Variants in SCN2A observed in about 807,000 individuals in gnomAD.
SCN2A encodes the protein sodium voltage-gated channel alpha subunit 2, also known as sodium channel protein type 2 subunit alpha.
SCN2A carries 20 observed loss-of-function variants against 188.7 expected under a neutral mutation model. That is an observed-to-expected ratio of 0.11 (90% CI 0.07 to 0.15). The LOEUF is 0.15. Among genes scored for constraint, SCN2A ranks in the 10% least tolerant of loss-of-function variants. The pLI is 1.00. For missense variants in SCN2A, 1,278 were observed against 2,445.0 expected, an observed-to-expected ratio of 0.52 and a Z score of 10.07; for synonymous variants, 804 against 833.1, an observed-to-expected ratio of 0.97 and a Z score of 0.60.
chr2:165,251,191 A>C (rs1236853353), intron 1 of SCN2A, among the ~76,000 whole-genome samples: 1 of 152,022 alleles, frequency 6.6e-6, no homozygotes, highest in African/African-American at 2.4e-5. Context: ...AATCTAGCCA[A>C]ACCAAACCAA....
intron 25 of SCN2A, among the ~76,000 whole-genome samples, chr2:165,383,795 A>C (rs1271929431): frequency 2.6e-5 from 4 of 152,160 alleles, no homozygotes; most frequent in Non-Finnish European, 1.5e-5. Flanking sequence ...TCTGCTTTGC[A>C]CAACTGGATA....
At chr2:165,281,435 A>G (rs1460595388) in intron 1 of SCN2A, among the ~76,000 whole-genome samples, 2 of 151,906 alleles carry the variant, frequency 1.3e-5, no homozygotes. Flanking sequence ...TCTGGGAGGA[A>G]AGCATTTCAA....
chr2:165,327,954 C>T (rs561430984), intron 13 of SCN2A: 1 of 152,264 alleles, frequency 6.6e-6, no homozygotes, highest in African/African-American at 2.4e-5. Context: ...CAAACCTTCT[C>T]CCTTGTACCC....
intron 1 of SCN2A, among the ~76,000 whole-genome samples, chr2:165,263,886 A>ATT (rs35091347): frequency 0.025 from 3,590 of 146,142 alleles, 102 homozygotes; most frequent in African/African-American, 0.066. Context: ...TAAGTATTCT[A>ATT]TTTTTTTTTT....
At chr2:165,300,892 A>G (rs904991371) in intron 3 of SCN2A, among the ~76,000 whole-genome samples, 2 of 152,216 alleles carry the variant, frequency 1.3e-5, no homozygotes, top group Admixed American at 6.5e-5. Context: ...AATAGACTGC[A>G]TAAGGGGAAA....
chr2:165,322,751 C>G (rs1698139962), intron 11 of SCN2A, among the ~76,000 whole-genome samples: 1 of 152,142 alleles, frequency 6.6e-6, no homozygotes, highest in African/African-American at 2.4e-5. Flanking sequence ...CTCAGAGGAT[C>G]TAAAGGTAGA....
Position 165,354,476 on chromosome 2 carries a change from C to A in SCN2A, c.3204C>A (p.Leu1068=), listed in dbSNP as rs562383599. ...TIEIGKDLNY[L]KDGNGTTSGI... is the part of the protein sequence containing the mutation. Reference sequence around the variant, plus strand: ...AAATAGGCAAAGACCTCAATTATCTCAAAGACGGAAATGGAACTACTAGTG... The same window carrying A: ...AAATAGGCAAAGACCTCAATTATCTAAAAGACGGAAATGGAACTACTAGTG... Residue 1068 remains leucine, a synonymous_variant, in exon 17 of 27, where the codon CTC becomes CTA. Coordinates refer to ENST00000375437, the MANE Select transcript of SCN2A (RefSeq NM_001040142.2). 1 of 1,614,040 alleles carries A rather than the reference C, an allele frequency of 6.2e-7. No homozygotes were observed. Among genetic ancestry groups the A allele is most frequent in the Admixed American group, 1.7e-5 (1 of 60,024 alleles).
chr2:165,268,608 C>A, intron 1 of SCN2A: 2 of 152,462 alleles, frequency 1.3e-5, no homozygotes, highest in South Asian at 3.8e-4. Context: ...TGAAAGCATT[C>A]CCCCTGAGAA....
intron 1 of SCN2A, among the ~76,000 whole-genome samples, chr2:165,288,503 A>G (rs1413753421): frequency 6.6e-6 from 1 of 151,852 alleles, no homozygotes; most frequent in Admixed American, 6.6e-5. Flanking sequence ...AACTATAAAA[A>G]ATAAGTTAGT....
At position 165,326,873 on chromosome 2, in the gene SCN2A, A is replaced by G. The variant is rs1698384983; in HGVS notation, c.2038A>G (p.Ile680Val). The G allele has an allele frequency of 1.2e-6, 2 of 1,613,904 alleles. No homozygotes were observed. The highest frequency in any genetic ancestry group is 2.2e-5 in the East Asian group (1 of 44,872). Residue 680 changes from isoleucine to valine, a missense_variant, in exon 13 of 27, where the codon ATA (isoleucine) becomes GTA (valine). Physicochemically the swap from Ile to Val is conservative, Grantham distance 29. Transcript: ENST00000375437. ...CTAGGGCACAACTACTGAAACAGAAATAAGAAAGAGACGGTCCAGTTCTTA... is the reference window on the plus strand; with the variant it reads ...CTAGGGCACAACTACTGAAACAGAAGTAAGAAAGAGACGGTCCAGTTCTTA... ...LPEGTTTETE[I>V]RKRRSSSYHV...
chr2:165,388,587 T>C (rs1395900321), intron 26 of SCN2A, 42 bp from the exon 27 acceptor site: 3 of 1,612,502 alleles, frequency 1.9e-6, no homozygotes, highest in Non-Finnish European at 2.5e-6. Flanking sequence ...TTTGCTACTA[T>C]TAAGTATAAC....
intron 12 of SCN2A, among the ~76,000 whole-genome samples, chr2:165,325,455 A>G (rs1008173109): frequency 1.3e-5 from 2 of 152,208 alleles, no homozygotes; most frequent in African/African-American, 4.8e-5. Flanking sequence ...GAAAATAAAT[A>G]GCTATGGGCA....
At chr2:165,354,702 G>T (rs775316100) in intron 17 of SCN2A, 31 bp downstream of exon 17, 1 of 1,606,502 alleles carries the variant, frequency 6.2e-7, no homozygotes, top group Non-Finnish European at 8.5e-7. Context: ...AGATATTTTG[G>T]TGTTATATAA....
In SCN2A at chr2:165,342,355, T is replaced by C. The variant is rs757124644; in HGVS notation, c.2448T>C (p.Tyr816=). ...MFLKIIAMDP[Y]YYFQEGWNIF... Reference sequence around the variant, plus strand: ...TCAAGATAATTGCCATGGATCCATATTATTACTTTCAAGAAGGCTGGAATA... The same window carrying C: ...TCAAGATAATTGCCATGGATCCATACTATTACTTTCAAGAAGGCTGGAATA... The change falls in exon 15 of 27, where the codon TAT becomes TAC. Residue 816 remains tyrosine, a synonymous_variant. Coordinates refer to ENST00000375437, the MANE Select transcript of SCN2A (RefSeq NM_001040142.2). 6.2e-7 allele frequency: 1 copy of C among 1,613,998 alleles called. No homozygotes were observed. The highest frequency in any genetic ancestry group is 1.7e-5 in the Admixed American group (1 of 60,016).
At chr2:165,257,530 G>T (rs1694380671) in intron 1 of SCN2A, among the ~76,000 whole-genome samples, 1 of 151,910 alleles carries the variant, frequency 6.6e-6, no homozygotes, top group Non-Finnish European at 1.5e-5. Flanking sequence ...TGTTTTTGTT[G>T]TTGTTGTTCT....
intron 3 of SCN2A, among the ~76,000 whole-genome samples, chr2:165,306,854 C>A (rs1403375743): frequency 6.6e-6 from 1 of 151,920 alleles, no homozygotes; most frequent in African/African-American, 2.4e-5. Flanking sequence ...CACGTATTTC[C>A]TCTCTGGAAT....
chr2:165,358,605 A>G (rs1233925167), intron 17 of SCN2A, among the ~76,000 whole-genome samples: 1 of 152,106 alleles, frequency 6.6e-6, no homozygotes, highest in Non-Finnish European at 1.5e-5. Flanking sequence ...TAATAATAAT[A>G]GTGATAATGA....
intron 12 of SCN2A, 121 bp downstream of exon 12, chr2:165,323,621 T>A: frequency 1.1e-6 from 1 of 926,338 alleles, no homozygotes; most frequent in Non-Finnish European, 1.7e-6. Flanking sequence ...TGGGAGTTTG[T>A]TCAATCAAGC....
intron 11 of SCN2A, among the ~76,000 whole-genome samples, chr2:165,321,362 T>C (rs1698067503): frequency 6.6e-6 from 1 of 152,200 alleles, no homozygotes; most frequent in African/African-American, 2.4e-5. Flanking sequence ...TTCCGAGCCC[T>C]CCAAACTGTT....
Sources: gnomAD v4.1 joint callset for allele counts (sites outside exome capture counted in the v4.1 genomes callset) on GRCh38, gnomAD v4.1.1 for gene constraint, MANE v1.5 for transcripts, NCBI Gene and HGNC (gene_info 2026-07-23, HGNC 2026-07-21) for gene names.